SPSB3: variants seen among roughly 807,000 people sequenced by gnomAD.
SPSB3 encodes the protein SPRY domain-containing SOCS box protein 3.
A neutral mutation model predicts 29.5 loss-of-function variants in SPSB3; 18 were observed. That is an observed-to-expected ratio of 0.61 (90% CI 0.42 to 0.91). The LOEUF is 0.91. Among genes scored for constraint, SPSB3 ranks in the 40% least tolerant of loss-of-function variants. The pLI, the probability that SPSB3 is intolerant of heterozygous loss-of-function variation, is 0.00. For synonymous variants in SPSB3, 299 were observed against 214.1 expected (o/e 1.40, Z -3.46); for missense variants, 540 against 507.5 (o/e 1.06, Z -0.61).
chr16:1,778,944 G>T, intron 2 of SPSB3: 1 of 234,254 alleles, frequency 4.3e-6, no homozygotes, highest in Non-Finnish European at 8.2e-6. Context: ...CACCTTCCCT[G>T]CTAGGCCAGC....
chr16:1,781,215 C>G (rs1037628091), intron 2 of SPSB3, 143 bp downstream of exon 2: 1 of 1,573,530 alleles, frequency 6.4e-7, no homozygotes, highest in African/African-American at 1.3e-5. Flanking sequence ...ATCCAGGAGA[C>G]AGGCCCAGGT....
chr16:1,778,979 C>A (rs763028321), intron 2 of SPSB3: 69 of 198,294 alleles, frequency 3.5e-4, no homozygotes, highest in Non-Finnish European at 4.6e-4. Flanking sequence ...CAGGCAAGGC[C>A]ACCACCCCCA....
rs748723630 is a variant in SPSB3, at chr16:1,778,275, C to T, written c.351G>A (p.Leu117=). The T allele has an allele frequency of 6.2e-7, 1 of 1,612,812 alleles. No homozygotes were observed. The highest frequency in any genetic ancestry group is 8.5e-7 in the Non-Finnish European group (1 of 1,180,006). The change falls in exon 4 of 7, where the codon CTG becomes CTA. Residue 117 remains leucine (L), a synonymous_variant. Transcript: ENST00000566339. ...WDDLNKSSAT[L]LSCDNRKVSF... ...TGACCTTACGGTTGTCACAGCTCAG[C>T]AGGGTGGCTGATGACTTATTTAAGT... is the stretch of plus-strand genomic sequence containing the variant.
chr16:1,778,659 C>G, intron 2 of SPSB3, 47 bp from the exon 3 acceptor site: 1 of 1,510,904 alleles, frequency 6.6e-7, no homozygotes, highest in Non-Finnish European at 8.8e-7. Flanking sequence ...CGCTCTCTAC[C>G]CTCTCACCCT....
chr16:1,777,615 C>A, intron 6 of SPSB3, 132 bp downstream of exon 6: 1 of 1,471,564 alleles, frequency 6.8e-7, no homozygotes, highest in East Asian at 2.3e-5. Flanking sequence ...GTCCCACCCC[C>A]TGGGACCCTG....
chr16:1,777,252 G>A lies in SPSB3; in HGVS notation c.913C>T (p.Leu305Phe), dbSNP rs1231374070. Reference sequence around the variant, plus strand: ...AGCTTGTTGTGTAGCACCTGCTTGAGGCCCGGCGGCAGCGGCAGACCCTCC... The same window carrying A: ...AGCTTGTTGTGTAGCACCTGCTTGAAGCCCGGCGGCAGCGGCAGACCCTCC... ...TLEGLPLPPGLKQVLHNKLGW... is the reference protein window; with the variant it reads ...TLEGLPLPPGFKQVLHNKLGW... Residue 305 changes from leucine to phenylalanine, a missense_variant, in exon 7 of 7, where the codon CTC (leucine) becomes TTC (phenylalanine). Transcript: ENST00000566339. The A allele has an allele frequency of 1.2e-6, 2 of 1,610,746 alleles. No homozygotes were observed. Among genetic ancestry groups the A allele is most frequent in the Non-Finnish European group, 1.7e-6 (2 of 1,179,870 alleles).
At position 1,780,799 on chromosome 16, in the gene SPSB3, C is replaced by A. The variant is rs527524633; in HGVS notation, c.126+559G>T. Reference sequence around the variant, plus strand: ...CCAGGCTGGAACGCACTGGTGTGATCACGGCTCACTGCAGCCTTGACCTCC... The same window carrying A: ...CCAGGCTGGAACGCACTGGTGTGATAACGGCTCACTGCAGCCTTGACCTCC... On this transcript the variant is annotated intron_variant, in intron 2 of 6. Transcript: ENST00000566339. 6.5e-5 allele frequency: 16 copies of A among 247,868 alleles called. No individual in the cohort carries two copies. In the South Asian group the frequency reaches 6.9e-4, roughly 11 times the overall value. The allele number at this position is 247,868 out of a possible 1,614,324, so 15.4% of individuals were successfully genotyped here.
rs1896763766 is a variant in SPSB3 at position 1,782,553 on chromosome 16, C to T, written c.-64G>A. On this transcript the variant is annotated 5_prime_UTR_variant, in exon 1 of 7. Transcript: ENST00000566339. ...GGCCCGGCCCTGACCCACTTTCCGC[C>T]CCGGAGCGAGACGTAAACAATCCCC... 1 of 155,698 alleles carries T rather than the reference C, an allele frequency of 6.4e-6. No individual in the cohort carries two copies. The highest frequency in any genetic ancestry group is 1.4e-5 in the Non-Finnish European group (1 of 70,250). The allele number at this position is 155,698 out of a possible 1,614,324, so 9.6% of individuals were successfully genotyped here. A position where few individuals can be genotyped will look rare whatever the true frequency, so the allele number is the denominator to read the frequency against.
In SPSB3 at chr16:1,781,454, G is replaced by A. The variant is rs202165194; in HGVS notation, c.30C>T (p.Ala10=). The change falls in exon 2 of 7, where the codon GCC becomes GCT. Residue 10 remains alanine, a synonymous_variant. Transcript: ENST00000566339. MARRPRNSR[A]WHFVLSAARR... is the part of the protein sequence containing the mutation. The stretch of plus-strand genomic sequence containing the variant: ...GGGCTGCACTCAGGACGAAGTGCCA[G>A]GCCCTGCTGTTCCGGGGGCGTCTGG... The A allele has an allele frequency of 1.2e-6, 2 of 1,612,770 alleles. No individual in the cohort carries two copies. The highest frequency in any genetic ancestry group is 2.2e-5 in the East Asian group (1 of 44,888).
Position 1,778,517 on chromosome 16 carries a change from A to C in SPSB3, c.222T>G (p.Ala74=). The C allele has an allele frequency of 2.5e-6, 4 of 1,611,880 alleles. No individual in the cohort carries two copies. Among genetic ancestry groups the C allele is most frequent in the Non-Finnish European group, 3.4e-6 (4 of 1,179,432 alleles). Residue 74 remains alanine (A), a synonymous_variant, in exon 3 of 7, where the codon GCT becomes GCG. Transcript: ENST00000566339. ...PVTGESFCDC[A]GQSEASFCSS... ...TACAGAAGGAGGCCTCGCTCTGCCCAGCACAGTCACAGAAGGACTCGCCGG... is the reference window on the plus strand; with the variant it reads ...TACAGAAGGAGGCCTCGCTCTGCCCCGCACAGTCACAGAAGGACTCGCCGG...
chr16:1,780,663 G>T (rs1033450786), intron 2 of SPSB3: 1 of 159,980 alleles, frequency 6.3e-6, no homozygotes, highest in African/African-American at 2.4e-5. Context: ...CAGAAGAAGC[G>T]TCTGGTAAGA....
In SPSB3 at chr16:1,776,849, T is replaced by C; in HGVS notation, c.*248A>G. 1.8e-6 allele frequency: 1 copy of C among 543,274 alleles called. No individual in the cohort carries two copies. Among genetic ancestry groups the C allele is most frequent in the Admixed American group, 3.5e-5 (1 of 28,858 alleles). The allele number at this position is 543,274 out of a possible 1,614,324, so 33.7% of individuals were successfully genotyped here. A position where few individuals can be genotyped will look rare whatever the true frequency, so the allele number is the denominator to read the frequency against. On this transcript the variant is annotated 3_prime_UTR_variant, in exon 7 of 7. Coordinates refer to ENST00000566339, the MANE Select transcript of SPSB3 (RefSeq NM_080861.4). ...AGCAACGCGGGCTCCAGCCAGGCTC[T>C]CGTCCTCGCAGCCTCCCACAAGACC...
intron 1 of SPSB3, chr16:1,782,264 C>G (rs1896748327): frequency 2.0e-5 from 3 of 151,904 alleles, no homozygotes; most frequent in South Asian, 4.1e-4. Flanking sequence ...GAACCCTGCC[C>G]AGCCCCAGGC....
In SPSB3 at chr16:1,777,947, C is replaced by T. The variant is rs373581614; in HGVS notation, c.594G>A (p.Thr198=). Residue 198 remains threonine (T), a splice_region_variant and synonymous_variant, in exon 5 of 7, where the codon ACG becomes ACA. Transcript: ENST00000566339. ...CGCCCCACCCTGGGCCTCACGCACC[C>T]GTGTAGGAGAGGCCCCAGCTGTCCT... ...RDEDSWGLSY[T]GLLHHKGDKT... 68 of 1,612,548 alleles carry T rather than the reference C, an allele frequency of 4.2e-5. No individual in the cohort carries two copies. The highest frequency in any genetic ancestry group is 5.0e-5 in the Admixed American group (3 of 59,990).
chr16:1,777,425 A>C lies in SPSB3; in HGVS notation c.740T>G (p.Leu247Arg). ...CATCGGGTAGAATCTCTTGTTCTGC[A>C]GCTTGGTGGCTGCCACACCTGGAAG... ...RKCIGVAATK[L>R]QNKRFYPMVC... Residue 247 changes from leucine to arginine, a missense_variant, in exon 7 of 7, where the codon CTG becomes CGG. Leu to Arg is a moderately radical substitution (Grantham distance 102). Coordinates refer to ENST00000566339, the MANE Select transcript of SPSB3 (RefSeq NM_080861.4). 2.6e-6 allele frequency: 4 copies of C among 1,535,982 alleles called. No individual in the cohort carries two copies. The highest frequency in any genetic ancestry group is 3.5e-6 in the Non-Finnish European group (4 of 1,143,564).
chr16:1,781,193 T>C (rs777064183), intron 2 of SPSB3, 165 bp downstream of exon 2: 1 of 1,548,030 alleles, frequency 6.5e-7, no homozygotes, highest in Non-Finnish European at 8.7e-7. Flanking sequence ...AGAGTCTTAC[T>C]GAATGCGGTG....
At chr16:1,778,396 C>A in intron 3 of SPSB3, 39 bp downstream of exon 3, 2 of 1,606,470 alleles carry the variant, frequency 1.2e-6, no homozygotes, top group Non-Finnish European at 1.7e-6. Context: ...CAGGCCCGCC[C>A]GCAGTGCAGT....
intron 2 of SPSB3, 95 bp downstream of exon 2, chr16:1,781,263 C>T (rs771504148): frequency 6.2e-7 from 1 of 1,608,382 alleles, no homozygotes; most frequent in South Asian, 1.1e-5. Context: ...ATCTTTTTCT[C>T]CGACTGATTC....
In SPSB3 at chr16:1,776,857, G is replaced by C. The variant is rs187361048; in HGVS notation, c.*240C>G. The C allele has an allele frequency of 1.8e-6, 1 of 549,368 alleles. No homozygotes were observed. Among genetic ancestry groups the C allele is most frequent in the Admixed American group, 3.4e-5 (1 of 29,150 alleles). The allele number at this position is 549,368 out of a possible 1,614,324, so 34.0% of individuals were successfully genotyped here. On this transcript the variant is annotated 3_prime_UTR_variant, in exon 7 of 7. Transcript: ENST00000566339. Reference sequence around the variant, plus strand: ...GGGCTCCAGCCAGGCTCTCGTCCTCGCAGCCTCCCACAAGACCTGGGGCTC... The same window carrying C: ...GGGCTCCAGCCAGGCTCTCGTCCTCCCAGCCTCCCACAAGACCTGGGGCTC...
Sources: gnomAD v4.1 joint callset for allele counts on GRCh38, gnomAD v4.1.1 for gene constraint, MANE v1.5 for transcripts, NCBI Gene and HGNC (gene_info 2026-07-23, HGNC 2026-07-21) for gene names.